The following PAIP1 variants were observed in gnomAD, a reference collection of about 807,000 sequenced individuals.
PAIP1 encodes poly(A) binding protein interacting protein 1.
PAIP1 carries 16 observed loss-of-function variants against 61.3 expected under a neutral mutation model. That is an observed-to-expected ratio of 0.26 (90% CI 0.18 to 0.40). PAIP1 has a LOEUF of 0.40. Ranked by LOEUF, PAIP1 falls within the 10% of genes least tolerant of loss-of-function variation. The pLI is 1.00. For synonymous variants in PAIP1, 187 were observed against 226.2 expected, an observed-to-expected ratio of 0.83 and a Z score of 1.56; for missense variants, 416 against 600.9, an observed-to-expected ratio of 0.69 and a Z score of 3.22.
intron 2 of PAIP1, among the ~76,000 whole-genome samples, chr5:43,555,278 G>GAT (rs951149895): frequency 7.9e-5 from 12 of 152,168 alleles, no homozygotes; most frequent in African/African-American, 2.9e-4. Flanking sequence ...GGAAAGACAG[G>GAT]ATTTAAGCTA....
Position 43,543,021 on chromosome 5 carries a change from G to A in PAIP1, c.717C>T (p.Arg239=), listed in dbSNP as rs1205100247. ...ACACTGACCTTTGAAGTAGCAATTGGCGGAAGTTGCCACTCTGTGGGCTAA... is the reference window on the plus strand; with the variant it reads ...ACACTGACCTTTGAAGTAGCAATTGACGGAAGTTGCCACTCTGTGGGCTAA... ...LTISPQSGNF[R]QLLLQRCRTE... The change falls in exon 4 of 11, where the codon CGC becomes CGT. Residue 239 remains arginine (R), a synonymous_variant. Coordinates refer to ENST00000306846, the MANE Select transcript of PAIP1 (RefSeq NM_006451.5). 6.4e-7 allele frequency: 1 copy of A among 1,569,976 alleles called. No homozygotes were observed. The highest frequency in any genetic ancestry group is 1.7e-5 in the Admixed American group (1 of 59,898).
intron 3 of PAIP1, among the ~76,000 whole-genome samples, chr5:43,546,534 A>C (rs1401627014): frequency 6.6e-6 from 1 of 152,258 alleles, no homozygotes; most frequent in African/African-American, 2.4e-5. Context: ...TTGGAAAAGC[A>C]GCCAAATGAA....
chr5:43,530,079 T>C (rs1001908169), intron 9 of PAIP1, among the ~76,000 whole-genome samples, 200 bp from the exon 10 acceptor site: 7 of 152,366 alleles, frequency 4.6e-5, no homozygotes, highest in African/African-American at 1.7e-4. Context: ...CCAATGTGTT[T>C]ATATCCTCTA....
At chr5:43,548,203 C>T (rs1356656053) in intron 2 of PAIP1, among the ~76,000 whole-genome samples, 1 of 151,964 alleles carries the variant, frequency 6.6e-6, no homozygotes, top group African/African-American at 2.4e-5. Flanking sequence ...CACTACAATG[C>T]CAATATAAAA....
At chr5:43,549,200 A>G (rs984960985) in intron 2 of PAIP1, among the ~76,000 whole-genome samples, 1 of 152,206 alleles carries the variant, frequency 6.6e-6, no homozygotes, top group African/African-American at 2.4e-5. Context: ...TTGGCCTCCC[A>G]AAGTGCTGGG....
At position 43,532,991 on chromosome 5, in the gene PAIP1, G is replaced by A. The variant is rs746190923; in HGVS notation, c.1252+747C>T. ...AGGAACCCTCATGTGCTGCTGATGG[G>A]AAGATTAAGTGGCATAATCATGCTA... On this transcript the variant is annotated intron_variant, in intron 9 of 10. Coordinates refer to ENST00000306846, the MANE Select transcript of PAIP1 (RefSeq NM_006451.5). 2.0e-5 allele frequency among the ~76,000 whole-genome samples: 3 copies of A among 152,202 alleles called. No homozygotes were observed. In the South Asian group the frequency reaches 6.2e-4, roughly 31 times the overall value.
intron 9 of PAIP1, among the ~76,000 whole-genome samples, chr5:43,530,244 CTG>C (rs1412333148): frequency 6.6e-6 from 1 of 152,228 alleles, no homozygotes; most frequent in Admixed American, 6.5e-5. Flanking sequence ...CAATTGGTCT[CTG>C]TTCCTCAGAT....
intron 3 of PAIP1, among the ~76,000 whole-genome samples, chr5:43,544,146 T>TAAAAAA (rs568177939): frequency 1.4e-5 from 1 of 72,686 alleles, no homozygotes; most frequent in Non-Finnish European, 2.6e-5. Context: ...CCCATCTTTT[T>TAAAAAA]AAAAAAAAAA....
chr5:43,534,705 T>G, intron 8 of PAIP1, 148 bp downstream of exon 8: 1 of 599,634 alleles, frequency 1.7e-6, no homozygotes, highest in Non-Finnish European at 3.0e-6. Flanking sequence ...TTTTCTTTTT[T>G]ACCCAGTCTG....
intron 4 of PAIP1, among the ~76,000 whole-genome samples, chr5:43,541,286 AGC>A (rs1747394859): frequency 2.6e-5 from 1 of 38,164 alleles, no homozygotes; most frequent in Non-Finnish European, 4.8e-5. Context: ...CACCACGCCC[AGC>A]TTTTTTTTTT....
intron 10 of PAIP1, 88 bp from the exon 11 acceptor site, chr5:43,527,557 C>T: frequency 1.7e-6 from 2 of 1,171,208 alleles, no homozygotes; most frequent in Admixed American, 2.6e-5. Context: ...TGTAATACAA[C>T]TTTCCTAGAC....
At chr5:43,533,863 C>T in intron 8 of PAIP1, 71 bp from the exon 9 acceptor site, 1 of 912,468 alleles carries the variant, frequency 1.1e-6, no homozygotes. Flanking sequence ...AATAATGAAG[C>T]ATGGCTGATG....
intron 2 of PAIP1, among the ~76,000 whole-genome samples, chr5:43,548,131 T>C (rs1295759046): frequency 2.0e-5 from 3 of 152,224 alleles, no homozygotes; most frequent in African/African-American, 2.4e-5. Context: ...AAACAGGGAA[T>C]TGTCTTCTCA....
Position 43,538,838 on chromosome 5 carries a change from A to G in PAIP1, c.846+86T>C, listed in dbSNP as rs1747262931. ...TTTCATTTCACTCTTAATGTTGTAA[A>G]AGTACAATGTGAACACAAATTCCTC... On this transcript the variant is annotated intron_variant, in intron 5 of 10. Coordinates refer to ENST00000306846, the MANE Select transcript of PAIP1 (RefSeq NM_006451.5). 2.3e-5 allele frequency: 17 copies of G among 737,282 alleles called. 1 individual carries two copies. In the South Asian group the frequency reaches 2.4e-4, roughly 10 times the overall value. The allele number at this position is 737,282 out of a possible 1,614,324, so 45.7% of individuals were successfully genotyped here. A position where few individuals can be genotyped will look rare whatever the true frequency, so the allele number is the denominator to read the frequency against.
intron 4 of PAIP1, among the ~76,000 whole-genome samples, chr5:43,541,951 C>T (rs1480212148): frequency 5.0e-4 from 72 of 143,872 alleles, no homozygotes; most frequent in Middle Eastern, 4.3e-3. Context: ...CTGAGGTGGG[C>T]GGATCACTTG....
chr5:43,535,068 C>A (rs1747090474), intron 7 of PAIP1, 98 bp from the exon 8 acceptor site: 1 of 708,080 alleles, frequency 1.4e-6, no homozygotes, highest in African/African-American at 1.8e-5. Flanking sequence ...CTTAATTTAA[C>A]AGGTACATCT....
Position 43,544,213 on chromosome 5 carries a change from C to T in PAIP1, c.622-1097G>A, listed in dbSNP as rs559097683. 1.6e-4 allele frequency among the ~76,000 whole-genome samples: 22 copies of T among 141,898 alleles called. No homozygotes were observed. The South Asian group carries it at 5.3e-3, about 34-fold the overall frequency. The allele number at this position is 141,898 out of a possible 152,430, so 93.1% of individuals were successfully genotyped here. A position where few individuals can be genotyped will look rare whatever the true frequency, so the allele number is the denominator to read the frequency against. ...CCACAAATGTAATTGAACATAGAATCTAGATCTAACAAATGTCCTGCTACC... is the reference window on the plus strand; with the variant it reads ...CCACAAATGTAATTGAACATAGAATTTAGATCTAACAAATGTCCTGCTACC... On this transcript the variant is annotated intron_variant, in intron 3 of 10. Coordinates refer to ENST00000306846, the MANE Select transcript of PAIP1 (RefSeq NM_006451.5).
chr5:43,539,458 C>T (rs201737666), intron 4 of PAIP1, among the ~76,000 whole-genome samples: 52,707 of 134,694 alleles, frequency 0.39, 11,174 homozygotes, highest in East Asian at 0.74. Flanking sequence ...TAAATACACA[C>T]ACACACACAC....
At chr5:43,545,236 A>G (rs1476754759) in intron 3 of PAIP1, among the ~76,000 whole-genome samples, 3 of 152,180 alleles carry the variant, frequency 2.0e-5, no homozygotes, top group African/African-American at 7.2e-5. Flanking sequence ...CTTCTGACCT[A>G]GTCCAGTGAA....
Sources: allele counts gnomAD v4.1 joint callset (sites outside exome capture counted in the v4.1 genomes callset), GRCh38; gene constraint gnomAD v4.1.1; transcripts MANE v1.5; gene names NCBI Gene and HGNC (gene_info 2026-07-23, HGNC 2026-07-21).